Variants in CNTNAP5 observed in about 807,000 individuals in gnomAD.
CNTNAP5 encodes contactin associated protein family member 5.
Under a neutral mutation model 150.2 loss-of-function variants are expected in CNTNAP5, and 72 were observed. The ratio of observed to expected loss-of-function variants is 0.48; its 90% CI spans 0.40 to 0.58. CNTNAP5 has a LOEUF of 0.58. Ranked by LOEUF, CNTNAP5 falls within the 20% of genes least tolerant of loss-of-function variation. CNTNAP5 has a pLI of 0.00. For synonymous variants in CNTNAP5, 672 were observed against 619.8 expected, an observed-to-expected ratio of 1.08 and a Z score of -1.25; for missense variants, 1,636 against 1,626.2, an observed-to-expected ratio of 1.01 and a Z score of -0.10.
At chr2:124,502,773 T>A (rs2104861487) in intron 7 of CNTNAP5, among the ~76,000 whole-genome samples, 1 of 152,074 alleles carries the variant, frequency 6.6e-6, no homozygotes, top group East Asian at 1.9e-4. Flanking sequence ...AAGAGCAAGT[T>A]GGTGGATTTT....
At chr2:124,303,252 C>T (rs1237405705) in intron 3 of CNTNAP5, among the ~76,000 whole-genome samples, 2 of 152,156 alleles carry the variant, frequency 1.3e-5, no homozygotes, top group Non-Finnish European at 2.9e-5. Context: ...CCTGAAGCTA[C>T]TCAAACAGGA....
intron 1 of CNTNAP5, among the ~76,000 whole-genome samples, chr2:124,141,976 C>G (rs1684122134): frequency 2.2e-5 from 3 of 135,572 alleles, no homozygotes; most frequent in Admixed American, 7.6e-5. Flanking sequence ...CAAAAAAAGG[C>G]AGGGGTTGCA....
intron 11 of CNTNAP5, among the ~76,000 whole-genome samples, chr2:124,599,757 G>T (rs1320054305): frequency 1.3e-5 from 2 of 152,058 alleles, no homozygotes; most frequent in South Asian, 4.1e-4. Context: ...TTTGGAGATG[G>T]AGTATTACTT....
intron 1 of CNTNAP5, among the ~76,000 whole-genome samples, chr2:124,217,760 C>A (rs1236906021): frequency 2.6e-5 from 4 of 152,114 alleles, no homozygotes; most frequent in African/African-American, 9.7e-5. Flanking sequence ...TATTACTGGG[C>A]AATTCATATA....
chr2:124,335,574 A>G (rs1459402266), intron 3 of CNTNAP5, among the ~76,000 whole-genome samples: 2 of 150,274 alleles, frequency 1.3e-5, no homozygotes, highest in Non-Finnish European at 3.0e-5. Context: ...ATGAGACGAC[A>G]TGAATATTCA....
intron 3 of CNTNAP5, among the ~76,000 whole-genome samples, chr2:124,330,770 T>G (rs902013500): frequency 2.9e-5 from 4 of 140,288 alleles, no homozygotes; most frequent in Non-Finnish European, 6.3e-5. Context: ...AGAGAAATCA[T>G]GCAAAAAAAA....
At chr2:124,142,731 T>TGC (rs1684147614) in intron 1 of CNTNAP5, among the ~76,000 whole-genome samples, 4 of 132,530 alleles carry the variant, frequency 3.0e-5, no homozygotes, top group African/African-American at 1.2e-4. Context: ...TTAAAAGAAC[T>TGC]AGAAAAGCAA....
intron 13 of CNTNAP5, among the ~76,000 whole-genome samples, chr2:124,695,274 A>G (rs2105083617): frequency 6.6e-6 from 1 of 152,302 alleles, no homozygotes; most frequent in South Asian, 2.1e-4. Flanking sequence ...GTTACAATAG[A>G]TATAAACAAT....
At chr2:124,828,994 G>T (rs1339386507) in intron 19 of CNTNAP5, among the ~76,000 whole-genome samples, 1 of 151,880 alleles carries the variant, frequency 6.6e-6, no homozygotes, top group East Asian at 1.9e-4. Flanking sequence ...CCAAGGTTTT[G>T]GTGTAAGAGT....
intron 20 of CNTNAP5, among the ~76,000 whole-genome samples, chr2:124,869,110 C>G (rs142945735): frequency 1.2e-4 from 19 of 152,276 alleles, no homozygotes; most frequent in Non-Finnish European, 2.5e-4. Flanking sequence ...GATTATCAAT[C>G]GTCCATGTTG....
chr2:124,073,297 T>C (rs778320116), intron 1 of CNTNAP5, among the ~76,000 whole-genome samples: 2 of 152,130 alleles, frequency 1.3e-5, no homozygotes, highest in Non-Finnish European at 1.5e-5. Flanking sequence ...GATATTGGTC[T>C]GGGCAAAGAT....
chr2:124,640,104 A>AGGT (rs1157554501), intron 12 of CNTNAP5, among the ~76,000 whole-genome samples: 1 of 152,100 alleles, frequency 6.6e-6, no homozygotes, highest in Non-Finnish European at 1.5e-5. Context: ...TGCATACACT[A>AGGT]GGTGTCTAAA....
intron 1 of CNTNAP5, among the ~76,000 whole-genome samples, chr2:124,101,909 G>C (rs1683070999): frequency 6.6e-6 from 1 of 152,164 alleles, no homozygotes; most frequent in Admixed American, 6.5e-5. Context: ...ATGTGGATCA[G>C]TAGTTCTGTC....
chr2:124,328,813 A>G (rs948956555), intron 3 of CNTNAP5, among the ~76,000 whole-genome samples: 13 of 152,162 alleles, frequency 8.5e-5, no homozygotes, highest in African/African-American at 2.9e-4. Context: ...TAGAAAGAAG[A>G]TGGTTGTAGA....
At position 124,572,325 on chromosome 2, in the gene CNTNAP5, G is replaced by A. The variant is rs189406897; in HGVS notation, c.1756+9002G>A. Among the ~76,000 whole-genome samples, 431 of 152,030 alleles carry A rather than the reference G, an allele frequency of 2.8e-3. 2 individuals carry two copies. The highest frequency in any genetic ancestry group is 9.8e-3 in the African/African-American group (405 of 41,466). ...GGTCTACCTGAGGGTGGTGGGGTGG[G>A]AGGAGTGAGAGAAGCAGAAAAGATG... is the stretch of plus-strand genomic sequence containing the variant. On this transcript the variant is annotated intron_variant, in intron 11 of 23. Coordinates refer to ENST00000682447, the MANE Select transcript of CNTNAP5 (RefSeq NM_001367498.1).
At chr2:124,339,160 A>G (rs1249981200) in intron 3 of CNTNAP5, among the ~76,000 whole-genome samples, 1 of 152,116 alleles carries the variant, frequency 6.6e-6, no homozygotes, top group African/African-American at 2.4e-5. Context: ...AAGTTCTTGG[A>G]CTTTTAAAAA....
chr2:124,347,360 C>A (rs56405601), intron 3 of CNTNAP5, among the ~76,000 whole-genome samples: 51,068 of 151,856 alleles, frequency 0.34, 8,697 homozygotes, highest in Middle Eastern at 0.4. Flanking sequence ...GTCTGGGAGA[C>A]TGAGGGGGCG....
At chr2:124,455,129 A>G (rs1027491918) in intron 6 of CNTNAP5, among the ~76,000 whole-genome samples, 3 of 152,154 alleles carry the variant, frequency 2.0e-5, no homozygotes, top group East Asian at 1.9e-4. Context: ...TTGAAAAGAT[A>G]AATAAAATTT....
chr2:124,341,995 G>A lies in CNTNAP5; in HGVS notation c.382-75448G>A, dbSNP rs567138371. ...GTTTGGAGACTCATAACCAGGTACCGGAGGAGACCACAAGGAATGAATATC... is the reference window on the plus strand; with the variant it reads ...GTTTGGAGACTCATAACCAGGTACCAGAGGAGACCACAAGGAATGAATATC... On this transcript the variant is annotated intron_variant, in intron 3 of 23. Coordinates refer to ENST00000682447, the MANE Select transcript of CNTNAP5 (RefSeq NM_001367498.1). Among the ~76,000 whole-genome samples, 21 of 152,196 alleles carry A rather than the reference G, an allele frequency of 1.4e-4. No homozygotes were observed. In the South Asian group the frequency reaches 2.1e-3, roughly 15 times the overall value.
Sources: gnomAD v4.1 joint callset for allele counts (sites outside exome capture counted in the v4.1 genomes callset) on GRCh38, gnomAD v4.1.1 for gene constraint, MANE v1.5 for transcripts, NCBI Gene and HGNC (gene_info 2026-07-23, HGNC 2026-07-21) for gene names.